Variants in CADPS observed in about 807,000 individuals in gnomAD.
CADPS encodes calcium dependent secretion activator, also known as calcium-dependent secretion activator 1.
CADPS carries 57 observed loss-of-function variants against 167.3 expected under a neutral mutation model. The observed-to-expected ratio is 0.34, with a 90% CI of 0.28 to 0.42. The LOEUF is 0.42. CADPS is among the 20% of genes least tolerant of loss of function. CADPS has a pLI of 1.00. For synonymous variants in CADPS, 676 were observed against 635.3 expected (o/e 1.06, Z -0.96); for missense variants, 1,414 against 1,738.1 (o/e 0.81, Z 3.32).
intron 24 of CADPS, among the ~76,000 whole-genome samples, chr3:62,466,909 G>A (rs1339275089): frequency 1.3e-5 from 2 of 152,112 alleles, no homozygotes; most frequent in Non-Finnish European, 2.9e-5. Flanking sequence ...TAATACCTCA[G>A]AACTCCTCAT....
At chr3:62,513,507 A>G in intron 16 of CADPS, 1 of 619,000 alleles carries the variant, frequency 1.6e-6, no homozygotes. Flanking sequence ...TTTCACAGAC[A>G]GAACCAACAG....
chr3:62,791,295 A>AGT (rs1162775059), intron 1 of CADPS, among the ~76,000 whole-genome samples: 1 of 152,228 alleles, frequency 6.6e-6, no homozygotes, highest in African/African-American at 2.4e-5. Flanking sequence ...TGCTTGCAAT[A>AGT]TGACTAGTGT....
intron 3 of CADPS, among the ~76,000 whole-genome samples, chr3:62,734,650 TA>T (rs1442648925): frequency 5.9e-5 from 9 of 152,224 alleles, no homozygotes; most frequent in African/African-American, 1.9e-4. Context: ...TCCTTCTTTT[TA>T]AAATTTATTG....
chr3:62,398,624 G>A lies in CADPS; in HGVS notation c.*782C>T, dbSNP rs1185376109. On this transcript the variant is annotated 3_prime_UTR_variant, in exon 30 of 30. Coordinates refer to ENST00000383710, the MANE Select transcript of CADPS (RefSeq NM_003716.4). Reference sequence around the variant, plus strand: ...ATAAACACATTTTTAGTCTAGGGTTGTAATTTAAATATTCATTTTTTTTAC... The same window carrying A: ...ATAAACACATTTTTAGTCTAGGGTTATAATTTAAATATTCATTTTTTTTAC... 6.6e-6 allele frequency: 1 copy of A among 152,592 alleles called. No individual in the cohort carries two copies. The highest frequency in any genetic ancestry group is 1.5e-5 in the Non-Finnish European group (1 of 68,030). The allele number at this position is 152,592 out of a possible 1,614,324, so 9.5% of individuals were successfully genotyped here. A position where few individuals can be genotyped will look rare whatever the true frequency, so the allele number is the denominator to read the frequency against.
chr3:62,540,066 T>C (rs772731928), intron 11 of CADPS, among the ~76,000 whole-genome samples: 1 of 152,156 alleles, frequency 6.6e-6, no homozygotes, highest in Non-Finnish European at 1.5e-5. Context: ...CAATAAACAT[T>C]AGCTAGGAGT....
intron 3 of CADPS, among the ~76,000 whole-genome samples, chr3:62,679,013 C>T (rs1284176476): frequency 6.6e-6 from 1 of 152,010 alleles, no homozygotes; most frequent in Non-Finnish European, 1.5e-5. Context: ...AAAGAGATTG[C>T]TGTAGCTTTT....
rs372662110 is a variant in CADPS at position 62,769,032 on chromosome 3, C to T, written c.442-3048G>A. 6.8e-4 allele frequency among the ~76,000 whole-genome samples: 104 copies of T among 152,222 alleles called. 1 individual carries two copies. Among genetic ancestry groups the T allele is most frequent in the African/African-American group, 2.5e-3 (102 of 41,538 alleles). Reference sequence around the variant, plus strand: ...ATTCAACAAGCCTAGTGTTTATTTACTCAACTCACTAGCCATGTCTCCCTG... The same window carrying T: ...ATTCAACAAGCCTAGTGTTTATTTATTCAACTCACTAGCCATGTCTCCCTG... On this transcript the variant is annotated intron_variant, in intron 1 of 29. Coordinates refer to ENST00000383710, the MANE Select transcript of CADPS (RefSeq NM_003716.4).
At chr3:62,427,183 A>G (rs891313683) in intron 28 of CADPS, among the ~76,000 whole-genome samples, 6 of 152,132 alleles carry the variant, frequency 3.9e-5, no homozygotes, top group African/African-American at 1.4e-4. Context: ...TTAATGCTCC[A>G]TGGGAACTAT....
intron 28 of CADPS, among the ~76,000 whole-genome samples, chr3:62,414,547 A>C (rs1362051187): frequency 6.6e-6 from 1 of 152,226 alleles, no homozygotes; most frequent in Non-Finnish European, 1.5e-5. Flanking sequence ...TCAGCAATTA[A>C]CACTGCCCCA....
At chr3:62,485,917 C>T (rs1053823780) in intron 21 of CADPS, among the ~76,000 whole-genome samples, 3 of 152,132 alleles carry the variant, frequency 2.0e-5, no homozygotes, top group African/African-American at 7.2e-5. Flanking sequence ...AGGATCTCAA[C>T]TCAGGACACT....
rs2094664935 is a variant in CADPS, at chr3:62,817,251, A to G, written c.442-51267T>C. 2.6e-5 allele frequency among the ~76,000 whole-genome samples: 4 copies of G among 152,286 alleles called. No individual in the cohort carries two copies. In the South Asian group the frequency reaches 8.3e-4, roughly 32 times the overall value. On this transcript the variant is annotated intron_variant, in intron 1 of 29. Coordinates refer to ENST00000383710, the MANE Select transcript of CADPS (RefSeq NM_003716.4). ...TCTCTGGCTAACTTCAGAACCTCAT[A>G]TCTTGAAAGGTCAGATACACAGTAT...
At chr3:62,547,766 A>G (rs1310813010) in intron 11 of CADPS, among the ~76,000 whole-genome samples, 1 of 150,804 alleles carries the variant, frequency 6.6e-6, no homozygotes, top group Non-Finnish European at 1.5e-5. Context: ...TCCTATCCAC[A>G]GACAGAAATC....
chr3:62,653,813 T>C (rs2070837516), intron 4 of CADPS, among the ~76,000 whole-genome samples: 2 of 151,948 alleles, frequency 1.3e-5, no homozygotes, highest in South Asian at 2.1e-4. Context: ...GAATAAAATA[T>C]GGGGGTCTGA....
chr3:62,740,542 T>C (rs141702024), intron 3 of CADPS, among the ~76,000 whole-genome samples: 114 of 152,282 alleles, frequency 7.5e-4, no homozygotes, highest in Middle Eastern at 6.8e-3. Context: ...ACATCTCAGA[T>C]CATCTCTCTT....
chr3:62,534,470 C>T (rs1333944722), intron 12 of CADPS, among the ~76,000 whole-genome samples: 6 of 152,198 alleles, frequency 3.9e-5, no homozygotes, highest in Admixed American at 6.5e-5. Flanking sequence ...GGAGAGTAGT[C>T]GAGGCAGTGG....
Position 62,852,864 on chromosome 3 carries a change from TTGAA to T in CADPS, c.441+21721_441+21724del, listed in dbSNP as rs541875039. 3.9e-3 allele frequency among the ~76,000 whole-genome samples: 589 copies of T among 152,372 alleles called. 1 individual carries two copies. Among genetic ancestry groups the T allele is most frequent in the Middle Eastern group, 0.01 (3 of 294 alleles). On this transcript the variant is annotated intron_variant, in intron 1 of 29. Coordinates refer to ENST00000383710, the MANE Select transcript of CADPS (RefSeq NM_003716.4). ...TATCTATTTACATGTCTATGTAGCA[TTGAA>T]TGAATAACTAGAAACATAAAATAAC...
intron 2 of CADPS, among the ~76,000 whole-genome samples, chr3:62,757,437 C>A (rs539366306): frequency 4.6e-5 from 7 of 152,196 alleles, no homozygotes; most frequent in African/African-American, 1.7e-4. Flanking sequence ...CAGTGCCTGG[C>A]ATGTAGCTGG....
chr3:62,690,156 G>C (rs1437566959), intron 3 of CADPS, among the ~76,000 whole-genome samples: 2 of 151,878 alleles, frequency 1.3e-5, no homozygotes, highest in African/African-American at 2.4e-5. Flanking sequence ...TGGAAGATCT[G>C]TCAACAATGC....
intron 21 of CADPS, among the ~76,000 whole-genome samples, chr3:62,484,211 G>A (rs2062461933): frequency 6.6e-6 from 1 of 151,882 alleles, no homozygotes; most frequent in Non-Finnish European, 1.5e-5. Context: ...GATGAAACAT[G>A]CTTGATATTT....
Sources: allele counts gnomAD v4.1 joint callset (sites outside exome capture counted in the v4.1 genomes callset), GRCh38; gene constraint gnomAD v4.1.1; transcripts MANE v1.5; gene names NCBI Gene and HGNC (gene_info 2026-07-23, HGNC 2026-07-21).